The following GRID2 variants were observed in gnomAD, a reference collection of about 807,000 sequenced individuals.
GRID2 encodes glutamate receptor ionotropic, delta-2.
GRID2 carries 33 observed loss-of-function variants against 114.8 expected under a neutral mutation model. The observed-to-expected ratio is 0.29, with a 90% confidence interval of 0.22 to 0.38. The LOEUF (loss-of-function observed/expected upper bound fraction) is 0.38. GRID2 is among the 10% of genes least tolerant of loss of function. The pLI, the probability that GRID2 is intolerant of heterozygous loss-of-function variation, is 1.00. For synonymous variants in GRID2, 505 were observed against 449.9 expected, an observed-to-expected ratio of 1.12 and a Z score of -1.55; for missense variants, 1,184 against 1,257.7, an observed-to-expected ratio of 0.94 and a Z score of 0.89.
At chr4:93,147,320 C>T (rs967629731) in intron 4 of GRID2, among the ~76,000 whole-genome samples, 2 of 152,116 alleles carry the variant, frequency 1.3e-5, no homozygotes, top group African/African-American at 4.8e-5. Flanking sequence ...TTAATGCCTA[C>T]CATTCTAGAA....
At position 93,350,583 on chromosome 4, in the gene GRID2, T is replaced by TA. The variant is rs562340828; in HGVS notation, c.1246-45016dup. Among the ~76,000 whole-genome samples the TA allele has an allele frequency of 1.8e-3, 280 of 151,700 alleles. 1 individual carries two copies. Among genetic ancestry groups the TA allele is most frequent in the African/African-American group, 6.0e-3 (247 of 41,404 alleles). On this transcript the variant is annotated intron_variant, in intron 8 of 15. Coordinates refer to ENST00000282020, the MANE Select transcript of GRID2 (RefSeq NM_001510.4). ...GTACAAGGCAGGGAGCTATTTTTTTTAAAAAAAATCCCTCCCTGCCTGTTT... is the reference window on the plus strand; with the variant it reads ...GTACAAGGCAGGGAGCTATTTTTTTTAAAAAAAAATCCCTCCCTGCCTGTTT...
intron 1 of GRID2, among the ~76,000 whole-genome samples, chr4:92,517,551 C>T (rs1171035308): frequency 4.0e-5 from 6 of 151,878 alleles, no homozygotes; most frequent in Admixed American, 3.9e-4. Context: ...ATATTGGCCT[C>T]ATATCTTCTG....
At chr4:93,051,805 C>T (rs554274896) in intron 2 of GRID2, among the ~76,000 whole-genome samples, 1 of 152,078 alleles carries the variant, frequency 6.6e-6, no homozygotes, top group African/African-American at 2.4e-5. Context: ...CCACAACTAA[C>T]AAAGAGCAAG....
chr4:92,866,634 C>T (rs1368956570), intron 2 of GRID2, among the ~76,000 whole-genome samples: 2 of 151,966 alleles, frequency 1.3e-5, no homozygotes, highest in East Asian at 1.9e-4. Context: ...AGGTCCGCCT[C>T]CCGGGTTCAC....
chr4:92,727,439 C>T (rs756890786), intron 2 of GRID2, among the ~76,000 whole-genome samples: 3 of 152,014 alleles, frequency 2.0e-5, no homozygotes, highest in Non-Finnish European at 4.4e-5. Context: ...AATTTTGACC[C>T]TCAAATCATA....
chr4:93,805,651 C>A (rs72659546), intron 1 of GRID2, among the ~76,000 whole-genome samples: 1 of 152,146 alleles, frequency 6.6e-6, no homozygotes, highest in Non-Finnish European at 1.5e-5. Context: ...TCACACTGAT[C>A]CCTTCTGATG....
chr4:93,035,565 A>G (rs1724860662), intron 2 of GRID2, among the ~76,000 whole-genome samples: 1 of 152,064 alleles, frequency 6.6e-6, no homozygotes, highest in Non-Finnish European at 1.5e-5. Context: ...CTCTAGTTCT[A>G]GGTCAGGGTC....
Position 93,110,962 on chromosome 4 carries a change from A to G in GRID2, c.735+9A>G. On this transcript the variant is annotated intron_variant, in intron 4 of 15. Transcript: ENST00000282020. ...AATCCTTCATTACTGAGGTAAGTGAAAATTGTCTTGGGGTGAGAGTTGTAC... is the reference window on the plus strand; with the variant it reads ...AATCCTTCATTACTGAGGTAAGTGAGAATTGTCTTGGGGTGAGAGTTGTAC... 6.4e-7 allele frequency: 1 copy of G among 1,571,746 alleles called. No individual in the cohort carries two copies. The highest frequency in any genetic ancestry group is 8.8e-7 in the Non-Finnish European group (1 of 1,141,364).
chr4:93,556,757 A>T lies in GRID2; in HGVS notation c.2193+41346A>T, dbSNP rs557490054. Reference sequence around the variant, plus strand: ...AGGAAATATAGAGAACACCACAATGATACGCCTCGAGAAAAACAACCCCAA... The same window carrying T: ...AGGAAATATAGAGAACACCACAATGTTACGCCTCGAGAAAAACAACCCCAA... On this transcript the variant is annotated intron_variant, in intron 13 of 15. Transcript: ENST00000282020. Among the ~76,000 whole-genome samples the T allele has an allele frequency of 3.9e-5, 6 of 152,270 alleles. 1 individual carries two copies. The highest frequency in any genetic ancestry group is 1.2e-4 in the African/African-American group (5 of 41,556).
chr4:93,461,353 G>C (rs147778731), intron 11 of GRID2, among the ~76,000 whole-genome samples: 3 of 152,170 alleles, frequency 2.0e-5, no homozygotes, highest in East Asian at 3.9e-4. Context: ...CTATGAAAAA[G>C]AGAATAAATC....
At chr4:93,282,601 C>A (rs1360529437) in intron 8 of GRID2, among the ~76,000 whole-genome samples, 1 of 151,972 alleles carries the variant, frequency 6.6e-6, no homozygotes, top group East Asian at 1.9e-4. Flanking sequence ...AACTAATTAC[C>A]TCTTGAACAT....
chr4:92,723,199 C>G (rs1735895384), intron 2 of GRID2, among the ~76,000 whole-genome samples: 1 of 151,950 alleles, frequency 6.6e-6, no homozygotes, highest in Non-Finnish European at 1.5e-5. Flanking sequence ...GAAACATGGC[C>G]TTTGAACAAT....
rs1452000532 is a variant in GRID2, at chr4:93,768,490, AAAG to A, written c.2361-715_2361-713del. 2.6e-5 allele frequency among the ~76,000 whole-genome samples: 4 copies of A among 152,334 alleles called. No individual in the cohort carries two copies. The South Asian group carries it at 6.2e-4, about 24-fold the overall frequency. On this transcript the variant is annotated intron_variant, in intron 14 of 15. Coordinates refer to ENST00000282020, the MANE Select transcript of GRID2 (RefSeq NM_001510.4). The stretch of plus-strand genomic sequence containing the variant: ...AGGGGAAAAAGAAGCAGCAGAAGAA[AAAG>A]AAGAGGGTTTTTCCTATTTGAATTT...
chr4:92,904,423 T>C (rs1315375097), intron 2 of GRID2, among the ~76,000 whole-genome samples: 1 of 151,798 alleles, frequency 6.6e-6, no homozygotes, highest in East Asian at 1.9e-4. Context: ...ACTGATTTAA[T>C]AACTTGATAT....
intron 13 of GRID2, among the ~76,000 whole-genome samples, chr4:93,550,439 G>C (rs1273613055): frequency 1.3e-5 from 2 of 152,164 alleles, no homozygotes; most frequent in Non-Finnish European, 2.9e-5. Flanking sequence ...TTACAGAAGA[G>C]ATAACTGTTT....
chr4:92,969,435 G>A (rs1329375912), intron 2 of GRID2, among the ~76,000 whole-genome samples: 1 of 151,474 alleles, frequency 6.6e-6, no homozygotes, highest in Non-Finnish European at 1.5e-5. Context: ...ACAATTAAGA[G>A]AATGTTTTGG....
chr4:93,219,642 A>G (rs1744647979), intron 6 of GRID2, among the ~76,000 whole-genome samples: 1 of 152,208 alleles, frequency 6.6e-6, no homozygotes, highest in Admixed American at 6.6e-5. Flanking sequence ...TAGTGTCCAA[A>G]GACTGAAACC....
chr4:93,754,116 T>C (rs968924682), intron 14 of GRID2, among the ~76,000 whole-genome samples: 1 of 152,200 alleles, frequency 6.6e-6, no homozygotes, highest in Non-Finnish European at 1.5e-5. Flanking sequence ...TATTTATGTA[T>C]GTAAACATAT....
At chr4:93,370,237 A>G (rs1460624378) in intron 8 of GRID2, among the ~76,000 whole-genome samples, 1 of 152,138 alleles carries the variant, frequency 6.6e-6, no homozygotes, top group Non-Finnish European at 1.5e-5. Context: ...AAATCTGTCT[A>G]GCTTTCAGAT....
Sources: gnomAD v4.1 joint callset for allele counts (sites outside exome capture counted in the v4.1 genomes callset) on GRCh38, gnomAD v4.1.1 for gene constraint, MANE v1.5 for transcripts, NCBI Gene and HGNC (gene_info 2026-07-23, HGNC 2026-07-21) for gene names.